PIGN: variants seen among roughly 807,000 people sequenced by gnomAD.
PIGN encodes phosphatidylinositol glycan anchor biosynthesis class N, also known as GPI ethanolamine phosphate transferase 1.
In PIGN, 117 loss-of-function variants were observed where a neutral mutation model predicts 125.4. That is an observed-to-expected ratio of 0.93 (90% CI 0.80 to 1.09). PIGN has a LOEUF of 1.09. Ranked by LOEUF, PIGN falls within the 50% of genes least tolerant of loss-of-function variation. The probability of loss-of-function intolerance (pLI) is 0.00; values close to 1 mark genes in which losing one functional copy is unlikely to be tolerated. For missense variants in PIGN, 1,075 were observed against 1,094.9 expected (o/e 0.98, Z 0.26); for synonymous variants, 392 against 377.8 (o/e 1.04, Z -0.44).
At chr18:62,063,822 G>T (rs2032343216) in intron 30 of PIGN, among the ~76,000 whole-genome samples, 2 of 150,028 alleles carry the variant, frequency 1.3e-5, no homozygotes, top group Admixed American at 6.6e-5. Flanking sequence ...GCAAACTATT[G>T]TGAGGACAGA....
rs149598444 is a variant in PIGN at position 62,120,439 on chromosome 18, T to C, written c.1173-5800A>G. Among the ~76,000 whole-genome samples, 1,391 of 152,178 alleles carry C rather than the reference T, an allele frequency of 9.1e-3. 21 individuals are homozygous for C. The highest frequency in any genetic ancestry group is 0.031 in the African/African-American group (1,304 of 41,522). Reference sequence around the variant, plus strand: ...CAAATACCCTTGAAAAGAAATGTCATATCATAGACAAGAAATACAGAAATG... The same window carrying C: ...CAAATACCCTTGAAAAGAAATGTCACATCATAGACAAGAAATACAGAAATG... On this transcript the variant is annotated intron_variant, in intron 14 of 30. Coordinates refer to ENST00000640252, the MANE Select transcript of PIGN (RefSeq NM_176787.5).
intron 1 of PIGN, among the ~76,000 whole-genome samples, chr18:62,167,547 G>A (rs896629803): frequency 2.7e-5 from 4 of 150,282 alleles, no homozygotes; most frequent in Non-Finnish European, 4.4e-5. Flanking sequence ...CAGGAGAATC[G>A]CTTGAACCTG....
intron 30 of PIGN, among the ~76,000 whole-genome samples, chr18:62,054,109 G>A (rs9319995): frequency 0.17 from 25,693 of 152,094 alleles, 2,931 homozygotes; most frequent in Middle Eastern, 0.28. Context: ...GCGCAGACGG[G>A]GAAGCAGACC....
intron 22 of PIGN, among the ~76,000 whole-genome samples, chr18:62,098,136 T>C (rs1310980769): frequency 1.3e-5 from 2 of 152,264 alleles, no homozygotes; most frequent in African/African-American, 4.8e-5. Context: ...CTGAGCATAG[T>C]GCCTAGCACA....
intron 12 of PIGN, among the ~76,000 whole-genome samples, 200 bp downstream of exon 12, chr18:62,140,220 G>A (rs191582381): frequency 1.8e-4 from 27 of 152,124 alleles, no homozygotes; most frequent in African/African-American, 5.5e-4. Flanking sequence ...AGTGGTGCAT[G>A]CCTGTAATCC....
chr18:62,036,731 G>A (rs565082240), downstream of PIGN, among the ~76,000 whole-genome samples: 1 of 152,102 alleles, frequency 6.6e-6, no homozygotes, highest in Non-Finnish European at 1.5e-5. Context: ...GCATATTACT[G>A]CCATAGGCCC....
chr18:62,182,102 G>A (rs997431529), intron 1 of PIGN, among the ~76,000 whole-genome samples: 3 of 152,074 alleles, frequency 2.0e-5, no homozygotes, highest in Non-Finnish European at 4.4e-5. Context: ...CTACACCTCT[G>A]ACCAATGTTG....
intron 21 of PIGN, among the ~76,000 whole-genome samples, 165 bp from the exon 22 acceptor site, chr18:62,101,348 T>C (rs1001999130): frequency 6.6e-6 from 1 of 152,194 alleles, no homozygotes; most frequent in African/African-American, 2.4e-5. Flanking sequence ...TGCAAGTTAA[T>C]AAACCTAATG....
In PIGN at chr18:62,167,156, G is replaced by A. The variant is rs144095540; in HGVS notation, c.-235-3500C>T. On this transcript the variant is annotated intron_variant, in intron 1 of 30. Transcript: ENST00000640252. Reference sequence around the variant, plus strand: ...ACAGACTGACACCTCGTTCTCTCCCGTATGCCTTGTCTATTGACAGAGAGC... The same window carrying A: ...ACAGACTGACACCTCGTTCTCTCCCATATGCCTTGTCTATTGACAGAGAGC... 3.5e-3 allele frequency among the ~76,000 whole-genome samples: 533 copies of A among 151,750 alleles called. 1 individual carries two copies. The highest frequency in any genetic ancestry group is 0.012 in the African/African-American group (509 of 41,354).
chr18:62,180,733 T>C (rs1369480184), intron 1 of PIGN, among the ~76,000 whole-genome samples: 1 of 152,198 alleles, frequency 6.6e-6, no homozygotes, highest in African/African-American at 2.4e-5. Context: ...TATGTGTGTG[T>C]ATGTTTATAT....
At chr18:62,186,348 G>A (rs2038010612) in intron 1 of PIGN, 1 of 152,280 alleles carries the variant, frequency 6.6e-6, no homozygotes, top group South Asian at 2.1e-4. Context: ...CGCGCCCGGC[G>A]TGGAGCTGAT....
chr18:62,167,118 G>C (rs373792298), intron 1 of PIGN, among the ~76,000 whole-genome samples: 1 of 151,928 alleles, frequency 6.6e-6, no homozygotes, highest in Non-Finnish European at 1.5e-5. Context: ...TAGAATGTAA[G>C]CTCCTTAAGA....
chr18:62,157,749 G>C lies in PIGN; in HGVS notation c.281C>G (p.Ser94Cys), dbSNP rs1233516743. 4 of 1,612,420 alleles carry C rather than the reference G, an allele frequency of 2.5e-6. No homozygotes were observed. In the African/African-American group the frequency reaches 5.3e-5, roughly 22 times the overall value. Residue 94 changes from serine to cysteine, a missense_variant, in exon 5 of 31, where the codon TCT becomes TGT. Physicochemically the swap from Ser to Cys is moderately radical, Grantham distance 112. This residue lies in a region of PIGN where 152 missense variants were observed against 162.9 expected (regional missense o/e 0.93). Coordinates refer to ENST00000640252, the MANE Select transcript of PIGN (RefSeq NM_176787.5). Reference sequence around the variant, plus strand: ...TATCAGAGCTACATGACCTGGCCGAGATTCTGTTGGCACACGTGTATGAGA... The same window carrying C: ...TATCAGAGCTACATGACCTGGCCGACATTCTGTTGGCACACGTGTATGAGA... ...GISHTRVPTE[S>C]RPGHVALIAG...
chr18:62,064,225 T>C (rs987237431), intron 30 of PIGN, among the ~76,000 whole-genome samples: 18 of 152,248 alleles, frequency 1.2e-4, no homozygotes, highest in Non-Finnish European at 2.6e-4. Flanking sequence ...TGCCTTATAC[T>C]ATAATCATTA....
At chr18:62,059,568 T>C (rs998534940) in intron 30 of PIGN, among the ~76,000 whole-genome samples, 2 of 152,182 alleles carry the variant, frequency 1.3e-5, no homozygotes, top group African/African-American at 4.8e-5. Flanking sequence ...CATATTGTAT[T>C]TTTCTGTTTA....
chr18:62,022,127 T>C (rs965907043), intron 23 of PIGN, among the ~76,000 whole-genome samples: 14 of 152,148 alleles, frequency 9.2e-5, no homozygotes, highest in Non-Finnish European at 1.6e-4. Context: ...GATGGCATCT[T>C]AGATAACATA....
intron 1 of PIGN, among the ~76,000 whole-genome samples, chr18:62,178,204 G>A (rs991756956): frequency 6.6e-6 from 1 of 152,100 alleles, no homozygotes; most frequent in Non-Finnish European, 1.5e-5. Flanking sequence ...AATGGTGAAT[G>A]AGGATGGTAA....
intron 19 of PIGN, among the ~76,000 whole-genome samples, chr18:62,106,353 A>T (rs1274589851): frequency 2.7e-5 from 4 of 150,820 alleles, no homozygotes; most frequent in Non-Finnish European, 5.9e-5. Flanking sequence ...TATTTTTAAT[A>T]ATCTATAATA....
chr18:62,035,434 A>C, intron 23 of PIGN, among the ~76,000 whole-genome samples: 1 of 152,204 alleles, frequency 6.6e-6, no homozygotes, highest in East Asian at 1.9e-4. Context: ...TAATGTTTAA[A>C]TTCCCGCAGC....
Sources: allele counts gnomAD v4.1 joint callset (sites outside exome capture counted in the v4.1 genomes callset), GRCh38; gene constraint gnomAD v4.1.1; regional missense constraint gnomAD v4.1.1; transcripts MANE v1.5; gene names NCBI Gene and HGNC (gene_info 2026-07-23, HGNC 2026-07-21).